ERBB4: variants seen among roughly 807,000 people sequenced by gnomAD.
ERBB4 encodes the protein receptor tyrosine-protein kinase erbB-4.
ERBB4 carries 42 observed loss-of-function variants against 158.0 expected under a neutral mutation model. The ratio of observed to expected loss-of-function variants is 0.27; its 90% CI spans 0.21 to 0.34. The LOEUF (loss-of-function observed/expected upper bound fraction) is 0.34, where lower values mean the gene tolerates loss of function less well. Among genes scored for constraint, ERBB4 ranks in the 10% least tolerant of loss-of-function variants. The probability of loss-of-function intolerance (pLI) is 1.00; values close to 1 mark genes in which losing one functional copy is unlikely to be tolerated. For missense variants in ERBB4, 1,333 were observed against 1,624.1 expected (o/e 0.82, Z 3.08); for synonymous variants, 583 against 558.7 (o/e 1.04, Z -0.61).
At chr2:211,785,953 A>C (rs1393726621) in intron 4 of ERBB4, among the ~76,000 whole-genome samples, 1 of 152,194 alleles carries the variant, frequency 6.6e-6, no homozygotes, top group Non-Finnish European at 1.5e-5. Context: ...GAAGAGGTCA[A>C]TGGGCTTCAC....
chr2:211,878,140 T>C (rs1307499708), intron 3 of ERBB4, among the ~76,000 whole-genome samples: 1 of 151,998 alleles, frequency 6.6e-6, no homozygotes, highest in Non-Finnish European at 1.5e-5. Flanking sequence ...CAAAAAACAA[T>C]GTATCACCGT....
intron 2 of ERBB4, among the ~76,000 whole-genome samples, chr2:212,061,843 C>T (rs1055597783): frequency 6.6e-6 from 1 of 150,800 alleles, no homozygotes; most frequent in East Asian, 2.0e-4. Flanking sequence ...TCTAGCAATT[C>T]TCCTGCCTCA....
At chr2:211,883,775 G>C (rs956831584) in intron 3 of ERBB4, among the ~76,000 whole-genome samples, 2 of 152,182 alleles carry the variant, frequency 1.3e-5, no homozygotes, top group African/African-American at 2.4e-5. Context: ...CTGGGCGATA[G>C]AGCAAGACTC....
At chr2:211,852,505 G>A (rs190485030) in intron 3 of ERBB4, among the ~76,000 whole-genome samples, 223 of 151,960 alleles carry the variant, frequency 1.5e-3, no homozygotes, top group African/African-American at 5.3e-3. Flanking sequence ...TGGAAACTGT[G>A]ACTTTTAAGT....
chr2:211,510,655 A>G (rs2065863575), intron 20 of ERBB4, among the ~76,000 whole-genome samples: 1 of 152,058 alleles, frequency 6.6e-6, no homozygotes, highest in Non-Finnish European at 1.5e-5. Flanking sequence ...GTTTTCAATT[A>G]TATATCTCTC....
At chr2:212,475,618 A>G (rs1689348402) in intron 1 of ERBB4, among the ~76,000 whole-genome samples, 1 of 152,132 alleles carries the variant, frequency 6.6e-6, no homozygotes. Flanking sequence ...AATCTCTTTC[A>G]TTCTATGAGG....
rs905553009 is a variant in ERBB4, at chr2:211,711,031, A to AG, written c.1124+1018_1124+1019insC. Among the ~76,000 whole-genome samples the AG allele has an allele frequency of 1.3e-3, 197 of 152,054 alleles. 1 individual carries two copies. Among genetic ancestry groups the AG allele is most frequent in the Non-Finnish European group, 2.0e-3 (138 of 67,978 alleles). ...CTATACATTTTAAAAGGCAAGTAAAAAAAAAAAAACATTTCTTAAGACAGA... is the reference window on the plus strand; with the variant it reads ...CTATACATTTTAAAAGGCAAGTAAAAGAAAAAAAAACATTTCTTAAGACAGA... On this transcript the variant is annotated intron_variant, in intron 9 of 27. Coordinates refer to ENST00000342788, the MANE Select transcript of ERBB4 (RefSeq NM_005235.3).
intron 19 of ERBB4, among the ~76,000 whole-genome samples, chr2:211,605,855 G>A (rs552722926): frequency 1.3e-5 from 2 of 152,102 alleles, no homozygotes; most frequent in South Asian, 4.1e-4. Flanking sequence ...AACCAGATTC[G>A]CTGGGCTCCC....
At chr2:211,918,505 T>C (rs758624455) in intron 3 of ERBB4, among the ~76,000 whole-genome samples, 2 of 152,116 alleles carry the variant, frequency 1.3e-5, no homozygotes, top group African/African-American at 4.8e-5. Context: ...AGTTCAATTA[T>C]ATGAAATTTA....
At chr2:211,482,316 G>A (rs1325312787) in intron 20 of ERBB4, among the ~76,000 whole-genome samples, 1 of 152,150 alleles carries the variant, frequency 6.6e-6, no homozygotes, top group Non-Finnish European at 1.5e-5. Flanking sequence ...AGCCAGAGTA[G>A]AAAACTTCAC....
chr2:212,185,650 C>T (rs2081995369), intron 1 of ERBB4, among the ~76,000 whole-genome samples: 1 of 151,744 alleles, frequency 6.6e-6, no homozygotes, highest in African/African-American at 2.4e-5. Context: ...GAATATAGGA[C>T]CATTCTAGGG....
At chr2:212,036,684 T>C (rs1452491834) in intron 2 of ERBB4, among the ~76,000 whole-genome samples, 3 of 152,140 alleles carry the variant, frequency 2.0e-5, no homozygotes. Context: ...CAGGATGCTC[T>C]TGATCTCCTG....
intron 25 of ERBB4, among the ~76,000 whole-genome samples, chr2:211,410,721 A>G (rs1208611652): frequency 1.3e-5 from 2 of 152,158 alleles, no homozygotes; most frequent in Non-Finnish European, 1.5e-5. Flanking sequence ...AAATAGTTCA[A>G]TTTTGTTTGT....
chr2:211,875,510 A>G (rs1047821379), intron 3 of ERBB4, among the ~76,000 whole-genome samples: 1 of 152,204 alleles, frequency 6.6e-6, no homozygotes, highest in Non-Finnish European at 1.5e-5. Context: ...ATTTCAGTCA[A>G]TGACAGACTG....
At chr2:212,455,142 CT>C (rs925518692) in intron 1 of ERBB4, among the ~76,000 whole-genome samples, 3 of 152,086 alleles carry the variant, frequency 2.0e-5, no homozygotes, top group African/African-American at 7.2e-5. Flanking sequence ...ACTTCATTAC[CT>C]TTTTCCATTC....
At chr2:212,030,891 AC>A (rs1255527140) in intron 2 of ERBB4, among the ~76,000 whole-genome samples, 4 of 152,096 alleles carry the variant, frequency 2.6e-5, no homozygotes, top group Non-Finnish European at 2.9e-5. Flanking sequence ...TAAATACAGT[AC>A]TAAAAAGACA....
rs138402372 is a variant in ERBB4, at chr2:211,636,053, CT to C, written c.1947-5460del. ...AGGATTTGTTGCATCAGATGTAGAC[CT>C]GCTTCACTTGCTTATCTATGGGCAC... On this transcript the variant is annotated intron_variant, in intron 16 of 27. Transcript: ENST00000342788. Among the ~76,000 whole-genome samples the C allele has an allele frequency of 1.1e-4, 16 of 151,746 alleles. No homozygotes were observed. The East Asian group carries it at 3.1e-3, about 29-fold the overall frequency.
At chr2:211,425,666 T>A (rs140674726) in intron 22 of ERBB4, among the ~76,000 whole-genome samples, 1,940 of 151,976 alleles carry the variant, frequency 0.013, 11 homozygotes, top group South Asian at 0.015. Flanking sequence ...ATATTTAGAA[T>A]AGTTTATATT....
intron 1 of ERBB4, among the ~76,000 whole-genome samples, chr2:212,264,183 T>C (rs1056617157): frequency 3.3e-5 from 5 of 152,154 alleles, no homozygotes; most frequent in Non-Finnish European, 5.9e-5. Context: ...CATGTGAGAA[T>C]ATTTGCATTC....
Sources: gnomAD v4.1 joint callset for allele counts (sites outside exome capture counted in the v4.1 genomes callset) on GRCh38, gnomAD v4.1.1 for gene constraint, MANE v1.5 for transcripts, NCBI Gene and HGNC (gene_info 2026-07-23, HGNC 2026-07-21) for gene names.